JAKMIP3: variants seen among roughly 807,000 people sequenced by gnomAD.
JAKMIP3 encodes the protein Janus kinase and microtubule interacting protein 3, also known as janus kinase and microtubule-interacting protein 3.
JAKMIP3 carries 58 observed loss-of-function variants against 118.5 expected under a neutral mutation model. The ratio of observed to expected loss-of-function variants is 0.49; its 90% confidence interval spans 0.40 to 0.61. The LOEUF (loss-of-function observed/expected upper bound fraction) is 0.61. Ranked by LOEUF, JAKMIP3 falls within the 20% of genes least tolerant of loss-of-function variation. JAKMIP3 has a pLI of 0.00. For missense variants in JAKMIP3, 950 were observed against 1,109.0 expected (o/e 0.86, Z 2.04); for synonymous variants, 486 against 451.2 (o/e 1.08, Z -0.98).
In JAKMIP3 at chr10:132,142,765, G is replaced by A. The variant is rs563440362; in HGVS notation, c.1602+717G>A. 1.9e-4 allele frequency among the ~76,000 whole-genome samples: 29 copies of A among 152,326 alleles called. No individual in the cohort carries two copies. In the South Asian group the frequency reaches 3.5e-3, roughly 18 times the overall value. On this transcript the variant is annotated intron_variant, in intron 11 of 23. Coordinates refer to ENST00000684848, the MANE Select transcript of JAKMIP3 (RefSeq NM_001323087.2). ...ACCTGCACCTGGTACCCCTCACAGCGAGACGGGCTGCTTTCCGGGGGAGCT... is the reference window on the plus strand; with the variant it reads ...ACCTGCACCTGGTACCCCTCACAGCAAGACGGGCTGCTTTCCGGGGGAGCT...
At chr10:132,146,902 G>A (rs969934426) in intron 13 of JAKMIP3, among the ~76,000 whole-genome samples, 3 of 152,208 alleles carry the variant, frequency 2.0e-5, no homozygotes, top group Admixed American at 6.5e-5. Flanking sequence ...AGAGATCCAC[G>A]TGCACTTAAG....
In JAKMIP3 at chr10:132,180,570, T is replaced by TGCGTGCATGC. The variant is rs1325845020; in HGVS notation, c.*1104-1786_*1104-1785insCGTGCATGCG. Among the ~76,000 whole-genome samples the TGCGTGCATGC allele has an allele frequency of 1.5e-4, 3 of 19,960 alleles. 1 individual carries two copies. The highest frequency in any genetic ancestry group is 3.2e-4 in the Non-Finnish European group (3 of 9,438). 13.1% of individuals were successfully genotyped at this position (19,960 alleles called of 152,430 possible). A position where few individuals can be genotyped will look rare whatever the true frequency, so the allele number is the denominator to read the frequency against. On this transcript the variant is annotated intron_variant, in intron 23 of 23. Coordinates refer to ENST00000684848, the MANE Select transcript of JAKMIP3 (RefSeq NM_001323087.2). ...GCGTGCGTGCATGCGTGTGTGTGCG[T>TGCGTGCATGC]GTGTGTGTGCGTGCGCGTGTGTGTG...
rs1356488866 is a variant in JAKMIP3 at position 132,047,435 on chromosome 10, C to T, written c.-138+10697C>T. Among the ~76,000 whole-genome samples, 4 of 152,294 alleles carry T rather than the reference C, an allele frequency of 2.6e-5. No homozygotes were observed. The East Asian group carries it at 7.7e-4, about 29-fold the overall frequency. The stretch of plus-strand genomic sequence containing the variant: ...TGACTGCTGCTTCGTTTTAATGTGT[C>T]TCTGGGCCTGATCATTAAAAGGACC... On this transcript the variant is annotated intron_variant, in intron 1 of 23. Coordinates refer to the JAKMIP3 transcript ENST00000657785.
At chr10:132,111,962 A>G (rs1040577186) in intron 2 of JAKMIP3, among the ~76,000 whole-genome samples, 7 of 151,740 alleles carry the variant, frequency 4.6e-5, no homozygotes, top group African/African-American at 1.7e-4. Context: ...CAGGGGTAGA[A>G]TCTGTGGGTG....
At chr10:132,043,128 T>C (rs951234128) in intron 1 of JAKMIP3, among the ~76,000 whole-genome samples, 2 of 152,152 alleles carry the variant, frequency 1.3e-5, no homozygotes, top group African/African-American at 4.8e-5. Context: ...TTGGGAAGCT[T>C]TGTAATAGTT....
chr10:132,100,812 A>ATGAGGAACCCCTGCCGCGCTCCCCG (rs2044756752), intron 1 of JAKMIP3, among the ~76,000 whole-genome samples: 1 of 126,838 alleles, frequency 7.9e-6, no homozygotes, highest in East Asian at 3.0e-4. Context: ...CGCGCTCCCC[A>ATGAGGAACCCCTGCCGCGCTCCCCG]TTCTCTCTGC....
At chr10:132,079,123 C>A (rs888719825) in intron 1 of JAKMIP3, among the ~76,000 whole-genome samples, 3 of 127,986 alleles carry the variant, frequency 2.3e-5, no homozygotes, top group African/African-American at 1.1e-4. Context: ...ACAGTGGCCC[C>A]CGCAACGTGG....
intron 21 of JAKMIP3, among the ~76,000 whole-genome samples, chr10:132,166,598 T>C (rs528297621): frequency 1.3e-5 from 2 of 152,332 alleles, no homozygotes; most frequent in South Asian, 2.1e-4. Flanking sequence ...ACCATTATTA[T>C]TACCCCATTG....
Position 132,036,750 on chromosome 10 carries a change from C to T in JAKMIP3, c.-138+12C>T, listed in dbSNP as rs565197642. ...CGCGGGGAGCCTCGGTGAGCAGCGG[C>T]CGGGGTGGGGCCGCGACCGGGGGCC... On this transcript the variant is annotated intron_variant, in intron 1 of 23. Transcript: ENST00000657785. Among the ~76,000 whole-genome samples, 700 of 151,200 alleles carry T rather than the reference C, an allele frequency of 4.6e-3. 4 individuals are homozygous for T. Among genetic ancestry groups the T allele is most frequent in the Non-Finnish European group, 6.6e-3 (446 of 67,616 alleles).
intron 3 of JAKMIP3, among the ~76,000 whole-genome samples, chr10:132,132,028 G>A (rs1381636993): frequency 1.3e-5 from 2 of 152,222 alleles, no homozygotes; most frequent in Admixed American, 6.5e-5. Context: ...AGGCACAGCT[G>A]CTGATGGACA....
chr10:132,134,276 C>T (rs144225422), intron 4 of JAKMIP3, among the ~76,000 whole-genome samples: 1 of 152,206 alleles, frequency 6.6e-6, no homozygotes, highest in South Asian at 2.1e-4. Flanking sequence ...CTGGATGCTG[C>T]TTGTTCGCTT....
At chr10:132,060,312 G>A (rs2038355645), upstream of JAKMIP3, among the ~76,000 whole-genome samples, 1 of 152,202 alleles carries the variant, frequency 6.6e-6, no homozygotes, top group Non-Finnish European at 1.5e-5. Flanking sequence ...TGGGGGCCAG[G>A]CAGGTTCTGG....
chr10:132,073,890 A>G (rs1589751919), intron 1 of JAKMIP3, among the ~76,000 whole-genome samples: 2 of 152,340 alleles, frequency 1.3e-5, no homozygotes, highest in East Asian at 1.9e-4. Context: ...TAGATACCCA[A>G]TGTTGAGATT....
chr10:132,046,461 GAA>G (rs55907923), intron 1 of JAKMIP3, among the ~76,000 whole-genome samples: 1 of 147,710 alleles, frequency 6.8e-6, no homozygotes, highest in Non-Finnish European at 1.5e-5. Context: ...GTCTCAAAAA[GAA>G]AAAAAAAACA....
At position 132,168,431 on chromosome 10, in the gene JAKMIP3, G is replaced by C; in HGVS notation, c.*501G>C. 2.3e-6 allele frequency: 3 copies of C among 1,281,882 alleles called. No homozygotes were observed. Among genetic ancestry groups the C allele is most frequent in the Non-Finnish European group, 3.1e-6 (3 of 982,734 alleles). The allele number at this position is 1,281,882 out of a possible 1,614,324, so 79.4% of individuals were successfully genotyped here. ...AGCTGGACGGTGACCTTCATTCAGG[G>C]GAACCTGGAGGCTCCCTGGGATGGT... On this transcript the variant is annotated 3_prime_UTR_variant, in exon 23 of 24. Coordinates refer to ENST00000684848, the MANE Select transcript of JAKMIP3 (RefSeq NM_001323087.2).
chr10:132,076,795 C>T (rs537995210), intron 1 of JAKMIP3, among the ~76,000 whole-genome samples: 1 of 150,796 alleles, frequency 6.6e-6, no homozygotes, highest in East Asian at 2.0e-4. Flanking sequence ...GAGGGCTGGC[C>T]TGCGGTGGCC....
At chr10:132,132,909 T>C (rs1314301827) in intron 3 of JAKMIP3, among the ~76,000 whole-genome samples, 3 of 152,152 alleles carry the variant, frequency 2.0e-5, no homozygotes, top group Non-Finnish European at 4.4e-5. Flanking sequence ...ATTGGCAGAG[T>C]GTGGGTAACT....
chr10:132,126,288 G>T (rs1478454260), intron 3 of JAKMIP3, among the ~76,000 whole-genome samples: 2 of 150,268 alleles, frequency 1.3e-5, no homozygotes, highest in African/African-American at 4.9e-5. Context: ...TTTTTGGTGG[G>T]TTTTTTGGCA....
intron 1 of JAKMIP3, among the ~76,000 whole-genome samples, chr10:132,100,526 C>T (rs2044686294): frequency 1.3e-5 from 2 of 152,188 alleles, no homozygotes; most frequent in South Asian, 2.1e-4. Flanking sequence ...ATTCTCTGCA[C>T]CCTGGTTCCT....
Sources: allele counts gnomAD v4.1 joint callset (sites outside exome capture counted in the v4.1 genomes callset), GRCh38; gene constraint gnomAD v4.1.1; transcripts MANE v1.5; gene names NCBI Gene and HGNC (gene_info 2026-07-23, HGNC 2026-07-21).